The following DNAH9 variants were observed in gnomAD, a reference collection of about 807,000 sequenced individuals.
DNAH9 encodes dynein axonemal heavy chain 9.
Under a neutral mutation model 471.6 loss-of-function variants are expected in DNAH9, and 345 were observed. That is an observed-to-expected ratio of 0.73 (90% CI 0.67 to 0.80). The LOEUF (loss-of-function observed/expected upper bound fraction) is 0.80, where lower values mean the gene tolerates loss of function less well. DNAH9 is among the 30% of genes least tolerant of loss of function. DNAH9 has a pLI of 0.00. For synonymous variants in DNAH9, 2,093 were observed against 2,123.6 expected, an observed-to-expected ratio of 0.99 and a Z score of 0.40; for missense variants, 5,407 against 5,609.2, an observed-to-expected ratio of 0.96 and a Z score of 1.15.
rs924468174 is a variant in DNAH9, at chr17:11,876,566, T to C, written c.10478+1382T>C. On this transcript the variant is annotated intron_variant, in intron 53 of 68. Coordinates refer to ENST00000262442, the MANE Select transcript of DNAH9 (RefSeq NM_001372.4). ...AATAAGCTGGTGACAAAAAGACAAA[T>C]GTGGTATGATTCCTCTCATCCAAGG... Among the ~76,000 whole-genome samples, 5 of 152,106 alleles carry C rather than the reference T, an allele frequency of 3.3e-5. No individual in the cohort carries two copies. The East Asian group carries it at 5.8e-4, about 18-fold the overall frequency.
Position 11,932,021 on chromosome 17 carries a change from T to C in DNAH9, c.12113T>C (p.Leu4038Pro). 1.2e-6 allele frequency: 2 copies of C among 1,614,126 alleles called. No individual in the cohort carries two copies. The highest frequency in any genetic ancestry group is 1.7e-6 in the Non-Finnish European group (2 of 1,179,974). The change falls in exon 64 of 69, where the codon CTG (leucine) becomes CCG (proline). Residue 4038 changes from leucine (L) to proline (P), a missense_variant. Physicochemically the swap from Leu to Pro is moderately conservative, Grantham distance 98 (BLOSUM62 -3). Coordinates refer to ENST00000262442, the MANE Select transcript of DNAH9 (RefSeq NM_001372.4). This position sits in a 1 kb window ranked among gnomAD's most constrained non-coding sequence, Gnocchi z 4.3. The stretch of plus-strand genomic sequence containing the variant: ...GCGACACTCTCATTTCAGGACACTC[T>C]GGAGATGTGTTCTCGGGAGACGGAG... ...KALDNFTQDT[L>P]EMCSRETEFK...
At chr17:11,907,458 G>GA (rs58982882) in intron 61 of DNAH9, among the ~76,000 whole-genome samples, 43,462 of 142,384 alleles carry the variant, frequency 0.31, 6,626 homozygotes, top group Admixed American at 0.4. Flanking sequence ...CAACAAGAGT[G>GA]AAAAAAAAAA....
chr17:11,950,527 G>GACTA (rs370783022), intron 67 of DNAH9, among the ~76,000 whole-genome samples: 1 of 152,000 alleles, frequency 6.6e-6, no homozygotes, highest in African/African-American at 2.4e-5. Flanking sequence ...AACCACACCC[G>GACTA]ACTAACTTTT....
At chr17:11,669,336 G>A (rs767346341) in intron 16 of DNAH9, 34 bp from the exon 17 acceptor site, 10 of 1,600,820 alleles carry the variant, frequency 6.2e-6, no homozygotes, top group Admixed American at 1.7e-5. Flanking sequence ...CCACACACTG[G>A]TGTAACCTGC....
chr17:11,793,698 G>GAA (rs759311007), intron 42 of DNAH9, 34 bp downstream of exon 42: 125 of 1,121,140 alleles, frequency 1.1e-4, no homozygotes, highest in East Asian at 1.3e-4. Context: ...CTTTGTATTT[G>GAA]AAAAAAAAAA....
chr17:11,760,726 G>A (rs1967629366), intron 35 of DNAH9, among the ~76,000 whole-genome samples: 1 of 152,090 alleles, frequency 6.6e-6, no homozygotes, highest in Non-Finnish European at 1.5e-5. Context: ...CACCATGTTT[G>A]CCAGGATGGT....
intron 27 of DNAH9, among the ~76,000 whole-genome samples, chr17:11,721,393 C>T (rs12948671): frequency 0.59 from 90,225 of 151,918 alleles, 28,661 homozygotes; most frequent in Admixed American, 0.75. Flanking sequence ...CACAGTGAAA[C>T]ATGCCAGAAG....
chr17:11,918,274 C>G (rs1597824884), intron 61 of DNAH9, among the ~76,000 whole-genome samples: 1 of 151,822 alleles, frequency 6.6e-6, no homozygotes, highest in African/African-American at 2.4e-5. Flanking sequence ...CTGTGTTGCC[C>G]ACGCTGGAGT....
chr17:11,709,659 C>T (rs2074797295), intron 26 of DNAH9, among the ~76,000 whole-genome samples: 1 of 152,172 alleles, frequency 6.6e-6, no homozygotes, highest in Non-Finnish European at 1.5e-5. Flanking sequence ...CAGTCCTTGT[C>T]ACAGGATTTC....
At chr17:11,804,760 G>T (rs1969602734) in intron 43 of DNAH9, among the ~76,000 whole-genome samples, 1 of 151,926 alleles carries the variant, frequency 6.6e-6, no homozygotes, top group South Asian at 2.1e-4. Flanking sequence ...TGTAGTCCCA[G>T]CTACTCGGGA....
rs2073582203 is a variant in DNAH9, at chr17:11,654,304, C to T, written c.2595+1302C>T. Among the ~76,000 whole-genome samples the T allele has an allele frequency of 7.6e-5, 4 of 52,546 alleles. 2 individuals are homozygous for T. The highest frequency in any genetic ancestry group is 1.7e-4 in the Non-Finnish European group (4 of 23,658). The allele number at this position is 52,546 out of a possible 152,430, so 34.5% of individuals were successfully genotyped here. A position where few individuals can be genotyped will look rare whatever the true frequency, so the allele number is the denominator to read the frequency against. On this transcript the variant is annotated intron_variant, in intron 14 of 68. Coordinates refer to ENST00000262442, the MANE Select transcript of DNAH9 (RefSeq NM_001372.4). ...CCGGGAGGCGGAGCTTGCAGTGAGC[C>T]GAGATTGCGCCACTGCACTCCAGCC...
chr17:11,769,387 CAG>C, intron 38 of DNAH9, 58 bp downstream of exon 38: 1 of 1,488,070 alleles, frequency 6.7e-7, no homozygotes, highest in Admixed American at 1.9e-5. Flanking sequence ...TCACCTGACA[CAG>C]AGCTGAAGCC....
intron 35 of DNAH9, among the ~76,000 whole-genome samples, chr17:11,762,774 T>TTTTTG (rs1567783317): frequency 7.3e-5 from 7 of 95,590 alleles, no homozygotes; most frequent in African/African-American, 2.4e-4. Flanking sequence ...TTTTTTGTTT[T>TTTTTG]TTTTTTTTTT....
At chr17:11,920,026 A>G (rs1030598245) in intron 61 of DNAH9, among the ~76,000 whole-genome samples, 3 of 136,212 alleles carry the variant, frequency 2.2e-5, no homozygotes, top group Middle Eastern at 3.7e-3. Context: ...AAATGGAGCT[A>G]AGTTCTTTCT....
chr17:11,822,602 G>T lies in DNAH9; in HGVS notation c.9012+3G>T. On this transcript the variant is annotated splice_donor_region_variant and intron_variant, in intron 47 of 68. Coordinates refer to ENST00000262442, the MANE Select transcript of DNAH9 (RefSeq NM_001372.4). The stretch of plus-strand genomic sequence containing the variant: ...TGCAGAACACAGAGGGCATTGAGGT[G>T]AGAGAGAAAAGGAGACACTCCTAAA... 3 of 1,613,994 alleles carry T rather than the reference G, an allele frequency of 1.9e-6. No homozygotes were observed. Among genetic ancestry groups the T allele is most frequent in the Non-Finnish European group, 2.5e-6 (3 of 1,179,960 alleles).
chr17:11,933,957 ACT>A lies in DNAH9; in HGVS notation c.12378_12379del (p.Cys4127GlnfsTer41). On this transcript the variant is annotated frameshift_variant, in exon 65 of 69. Coordinates refer to ENST00000262442, the MANE Select transcript of DNAH9 (RefSeq NM_001372.4). LOFTEE classifies it high-confidence loss of function. ...ATATCACAGATGACTGGGACAGAAGACTCTGCAGAACCTACCTGGGGGAATTC... is the reference window on the plus strand; with the variant it reads ...ATATCACAGATGACTGGGACAGAAGACTGCAGAACCTACCTGGGGGAATTC... ...GHITDDWDRR[L>X]CRTYLGEFIR... is the part of the protein sequence containing the mutation. The A allele has an allele frequency of 1.2e-6, 2 of 1,613,938 alleles. No individual in the cohort carries two copies. Among genetic ancestry groups the A allele is most frequent in the Non-Finnish European group, 1.7e-6 (2 of 1,179,998 alleles).
chr17:11,893,288 G>A (rs1165206002), intron 58 of DNAH9, among the ~76,000 whole-genome samples: 1 of 151,344 alleles, frequency 6.6e-6, no homozygotes, highest in Non-Finnish European at 1.5e-5. Context: ...CCCCTATCAA[G>A]CCTCTGCTTT....
intron 52 of DNAH9, among the ~76,000 whole-genome samples, chr17:11,872,535 C>T (rs1239007634): frequency 6.6e-6 from 1 of 152,120 alleles, no homozygotes; most frequent in Non-Finnish European, 1.5e-5. Context: ...TGTGTCCTAC[C>T]ACTCCACTAT....
chr17:11,695,436 G>A (rs1410990813), intron 22 of DNAH9, among the ~76,000 whole-genome samples: 1 of 152,170 alleles, frequency 6.6e-6, no homozygotes, highest in Non-Finnish European at 1.5e-5. Flanking sequence ...TGGAGGTAAG[G>A]CTTATTGGCA....
Sources: allele counts gnomAD v4.1 joint callset (sites outside exome capture counted in the v4.1 genomes callset), GRCh38; gene constraint gnomAD v4.1.1; non-coding constraint Gnocchi (gnomAD v3.1); transcripts MANE v1.5; gene names NCBI Gene and HGNC (gene_info 2026-07-23, HGNC 2026-07-21).